Variants in SRGAP3 observed in about 807,000 individuals in gnomAD.
SRGAP3 encodes SLIT-ROBO Rho GTPase-activating protein 3.
Under a neutral mutation model 121.1 loss-of-function variants are expected in SRGAP3, and 39 were observed. That is an observed-to-expected ratio of 0.32 (90% CI 0.25 to 0.42). SRGAP3 has a LOEUF of 0.42. SRGAP3 is among the 10% of genes least tolerant of loss of function. The probability of loss-of-function intolerance (pLI) is 1.00; values close to 1 mark genes in which losing one functional copy is unlikely to be tolerated. For synonymous variants in SRGAP3, 601 were observed against 570.0 expected (o/e 1.05, Z -0.77); for missense variants, 1,213 against 1,470.6 (o/e 0.82, Z 2.86).
intron 1 of SRGAP3, among the ~76,000 whole-genome samples, chr3:9,168,189 T>C (rs1342737442): frequency 6.6e-6 from 1 of 152,212 alleles, no homozygotes; most frequent in Non-Finnish European, 1.5e-5. Flanking sequence ...AAATGCAGTC[T>C]TGACTTAGCC....
chr3:9,073,000 G>A (rs1946792344), intron 4 of SRGAP3, among the ~76,000 whole-genome samples: 1 of 152,224 alleles, frequency 6.6e-6, no homozygotes, highest in African/African-American at 2.4e-5. Flanking sequence ...GCTCTGGCAG[G>A]CACAAGCTTG....
At chr3:9,279,487 G>A (rs1416394086) in intron 3 of SRGAP3, among the ~76,000 whole-genome samples, 2 of 151,732 alleles carry the variant, frequency 1.3e-5, no homozygotes, top group South Asian at 2.1e-4. Flanking sequence ...TCAGTCCAAC[G>A]GGAAGCAAAA....
chr3:9,092,932 G>A (rs769859849), intron 3 of SRGAP3, among the ~76,000 whole-genome samples: 5 of 152,034 alleles, frequency 3.3e-5, no homozygotes, highest in Non-Finnish European at 5.9e-5. Context: ...TCTTGATTGT[G>A]TCCCTGATGT....
At chr3:9,266,874 T>C (rs1255229919) in intron 3 of SRGAP3, among the ~76,000 whole-genome samples, 1 of 152,148 alleles carries the variant, frequency 6.6e-6, no homozygotes, top group African/African-American at 2.4e-5. Context: ...TGGAAGTGAG[T>C]GGCTTGGCCT....
chr3:9,321,424 C>G (rs181460888), intron 3 of SRGAP3, among the ~76,000 whole-genome samples: 1 of 152,004 alleles, frequency 6.6e-6, no homozygotes, highest in Admixed American at 6.5e-5. Flanking sequence ...AAGGACAAAA[C>G]AGTGAATGGT....
chr3:9,334,639 T>G (rs1357371928), intron 1 of SRGAP3, among the ~76,000 whole-genome samples: 1 of 151,942 alleles, frequency 6.6e-6, no homozygotes, highest in Non-Finnish European at 1.5e-5. Context: ...AGATGGAGGG[T>G]CCCCCTTCTT....
intron 4 of SRGAP3, among the ~76,000 whole-genome samples, chr3:9,073,188 G>A: frequency 6.6e-6 from 1 of 152,184 alleles, no homozygotes. Flanking sequence ...CTGTCCCCCA[G>A]GCTGGAGTGC....
At chr3:9,304,723 C>G (rs1955128389) in intron 3 of SRGAP3, among the ~76,000 whole-genome samples, 1 of 152,100 alleles carries the variant, frequency 6.6e-6, no homozygotes, top group African/African-American at 2.4e-5. Flanking sequence ...TTCCAGAGGT[C>G]GTATGCTCAC....
chr3:9,083,422 T>C (rs1947326145), intron 3 of SRGAP3, among the ~76,000 whole-genome samples: 2 of 152,266 alleles, frequency 1.3e-5, no homozygotes, highest in Admixed American at 1.3e-4. Context: ...AGAAATAATC[T>C]ATGAATAAAC....
chr3:9,232,953 G>A (rs558413954), intron 1 of SRGAP3, among the ~76,000 whole-genome samples: 7 of 152,212 alleles, frequency 4.6e-5, no homozygotes, highest in African/African-American at 9.6e-5. Context: ...CCAACTCCAC[G>A]TCTCCTGATG....
At chr3:9,174,762 T>A (rs1247324861) in intron 1 of SRGAP3, among the ~76,000 whole-genome samples, 1 of 152,168 alleles carries the variant, frequency 6.6e-6, no homozygotes, top group Non-Finnish European at 1.5e-5. Flanking sequence ...GGGACTCCCA[T>A]TTGCAAAGTT....
At chr3:9,081,261 C>T (rs1239566320) in intron 3 of SRGAP3, 2 of 456,696 alleles carry the variant, frequency 4.4e-6, no homozygotes, top group South Asian at 3.1e-5. Context: ...CTTACCATTG[C>T]CTAGATCCTG....
intron 2 of SRGAP3, among the ~76,000 whole-genome samples, chr3:9,121,875 C>T (rs1194184651): frequency 6.6e-6 from 1 of 152,210 alleles, no homozygotes; most frequent in African/African-American, 2.4e-5. Context: ...GCTCCAGTGG[C>T]CATTCAGCCA....
At chr3:8,990,369 A>C in intron 21 of SRGAP3, 143 bp downstream of exon 21, 1 of 1,081,282 alleles carries the variant, frequency 9.2e-7, no homozygotes, top group Non-Finnish European at 1.3e-6. Context: ...CCAGCAAGGG[A>C]CGGGGAGGCC....
upstream of SRGAP3, among the ~76,000 whole-genome samples, chr3:9,251,863 C>T (rs1954026706): frequency 6.6e-6 from 1 of 152,122 alleles, no homozygotes; most frequent in Non-Finnish European, 1.5e-5. Context: ...GTGTGGGGCT[C>T]ATGGAGGAAT....
intron 3 of SRGAP3, among the ~76,000 whole-genome samples, chr3:9,289,134 A>T (rs893535853): frequency 2.6e-5 from 4 of 152,032 alleles, no homozygotes. Context: ...CCTGACCTCA[A>T]GTGATCCACC....
Position 9,032,568 on chromosome 3 carries a change from G to A in SRGAP3, c.1539+82C>T. 7 of 1,312,598 alleles carry A rather than the reference G, an allele frequency of 5.3e-6. No individual in the cohort carries two copies. In the South Asian group the frequency reaches 5.9e-5, roughly 11 times the overall value. 81.3% of individuals were successfully genotyped at this position (1,312,598 alleles called of 1,614,324 possible). On this transcript the variant is annotated intron_variant, in intron 12 of 21. Transcript: ENST00000383836. ...ACAGGGCCTGGCCAAGGACAGGGCT[G>A]TCTGCTGGCAGGGAGGCGGGCGGAC...
At chr3:9,322,494 TG>T (rs1481491272) in intron 3 of SRGAP3, among the ~76,000 whole-genome samples, 2 of 151,878 alleles carry the variant, frequency 1.3e-5, no homozygotes, top group African/African-American at 4.8e-5. Context: ...GGAACAGGGC[TG>T]CACAGCAGGA....
chr3:9,298,487 T>C (rs1954991905), intron 3 of SRGAP3, among the ~76,000 whole-genome samples: 1 of 152,174 alleles, frequency 6.6e-6, no homozygotes, highest in Non-Finnish European at 1.5e-5. Context: ...CTGTGATAGC[T>C]AGTATCCAAA....
Sources: gnomAD v4.1 joint callset for allele counts (sites outside exome capture counted in the v4.1 genomes callset) on GRCh38, gnomAD v4.1.1 for gene constraint, MANE v1.5 for transcripts, NCBI Gene and HGNC (gene_info 2026-07-23, HGNC 2026-07-21) for gene names.